SOX5: variants seen among roughly 807,000 people sequenced by gnomAD.
SOX5 encodes the protein SRY-box transcription factor 5, also known as transcription factor SOX-5.
In SOX5, 9 loss-of-function variants were observed where a neutral mutation model predicts 92.0. The ratio of observed to expected loss-of-function variants is 0.10; its 90% CI spans 0.06 to 0.17. The LOEUF is 0.17. Ranked by LOEUF, SOX5 falls within the 10% of genes least tolerant of loss-of-function variation. The probability of loss-of-function intolerance (pLI) is 1.00; values close to 1 mark genes in which losing one functional copy is unlikely to be tolerated. For missense variants in SOX5, 642 were observed against 944.5 expected (o/e 0.68, Z 4.20); for synonymous variants, 344 against 336.3 (o/e 1.02, Z -0.25).
intron 2 of SOX5, among the ~76,000 whole-genome samples, chr12:24,346,961 G>A (rs1037437996): frequency 6.6e-6 from 1 of 152,134 alleles, no homozygotes; most frequent in South Asian, 2.1e-4. Context: ...ACACTAACAC[G>A]GCACATGTAT....
intron 7 of SOX5, among the ~76,000 whole-genome samples, chr12:23,645,159 G>A (rs2080663739): frequency 1.3e-5 from 2 of 152,146 alleles, no homozygotes; most frequent in Admixed American, 1.3e-4. Context: ...AGGTAGTATA[G>A]GAGGTAAGGG....
chr12:23,870,179 A>G (rs1171777575), intron 2 of SOX5, among the ~76,000 whole-genome samples: 1 of 152,124 alleles, frequency 6.6e-6, no homozygotes, highest in Non-Finnish European at 1.5e-5. Flanking sequence ...AGCTAAATAT[A>G]GGTGATCAGA....
chr12:24,390,038 C>T (rs184022131), intron 1 of SOX5, among the ~76,000 whole-genome samples: 2 of 152,200 alleles, frequency 1.3e-5, no homozygotes. Context: ...TGTTTCTTGC[C>T]TGACTCTGAT....
chr12:24,512,365 A>T (rs1427395076), intron 1 of SOX5, among the ~76,000 whole-genome samples: 1 of 152,274 alleles, frequency 6.6e-6, no homozygotes, highest in Admixed American at 6.5e-5. Flanking sequence ...GAAATTAAGC[A>T]CAGAATCCTA....
At chr12:23,733,901 A>G (rs1169777930) in intron 6 of SOX5, among the ~76,000 whole-genome samples, 1 of 152,168 alleles carries the variant, frequency 6.6e-6, no homozygotes, top group African/African-American at 2.4e-5. Context: ...CTTGATAGTC[A>G]TAGCAAGTGA....
At chr12:23,714,614 G>A (rs1301858545) in intron 6 of SOX5, among the ~76,000 whole-genome samples, 1 of 151,808 alleles carries the variant, frequency 6.6e-6, no homozygotes, top group Non-Finnish European at 1.5e-5. Context: ...GAGTGAAAGT[G>A]TGTCTCAAAA....
chr12:24,361,426 T>G (rs947174279), intron 2 of SOX5, among the ~76,000 whole-genome samples: 1 of 152,148 alleles, frequency 6.6e-6, no homozygotes, highest in African/African-American at 2.4e-5. Flanking sequence ...TTTCCTCAGC[T>G]GAAAAAGTGG....
intron 2 of SOX5, among the ~76,000 whole-genome samples, chr12:24,357,051 A>G (rs1470293750): frequency 2.0e-5 from 3 of 152,206 alleles, no homozygotes; most frequent in Non-Finnish European, 2.9e-5. Flanking sequence ...GCACATGGCA[A>G]ATAAAGTCAG....
intron 4 of SOX5, among the ~76,000 whole-genome samples, chr12:23,977,309 A>G (rs1281586207): frequency 6.6e-6 from 1 of 152,076 alleles, no homozygotes; most frequent in African/African-American, 2.4e-5. Flanking sequence ...TCACCCTTCC[A>G]CCTCCCAGCC....
intron 1 of SOX5, among the ~76,000 whole-genome samples, chr12:24,439,415 G>A (rs1940071030): frequency 6.6e-6 from 1 of 152,136 alleles, no homozygotes; most frequent in Non-Finnish European, 1.5e-5. Flanking sequence ...TCCTGCCCTA[G>A]ATTTCCTCCA....
rs16915563 is a variant in SOX5, at chr12:23,724,568, C to T, written c.810+10116G>A. The stretch of plus-strand genomic sequence containing the variant: ...CAAATCCTAAGATTACTAATTTAAC[C>T]TTATTTGCTACTGTAACTACTAATC... On this transcript the variant is annotated intron_variant, in intron 6 of 14. Coordinates refer to ENST00000451604, the MANE Select transcript of SOX5 (RefSeq NM_006940.6). 3.4e-3 allele frequency among the ~76,000 whole-genome samples: 521 copies of T among 152,082 alleles called. 3 individuals carry two copies. Among genetic ancestry groups the T allele is most frequent in the African/African-American group, 0.012 (494 of 41,482 alleles).
chr12:23,602,673 CAG>C (rs772414080), intron 9 of SOX5, among the ~76,000 whole-genome samples: 32 of 152,100 alleles, frequency 2.1e-4, no homozygotes, highest in Non-Finnish European at 3.8e-4. Flanking sequence ...AGGGAAAAAA[CAG>C]AGAATAATAC....
intron 1 of SOX5, among the ~76,000 whole-genome samples, chr12:23,903,514 G>A (rs1487631470): frequency 1.3e-5 from 2 of 152,150 alleles, no homozygotes; most frequent in African/African-American, 2.4e-5. Flanking sequence ...GCCCAGGAGA[G>A]CAAGGCTGCA....
chr12:23,563,153 G>A, intron 11 of SOX5, 105 bp downstream of exon 11: 2 of 944,102 alleles, frequency 2.1e-6, no homozygotes, highest in Non-Finnish European at 3.2e-6. Context: ...AAGGGACAGA[G>A]AATCATTTTG....
chr12:23,804,974 T>TTA (rs2095742962), intron 3 of SOX5, among the ~76,000 whole-genome samples: 103 of 106,268 alleles, frequency 9.7e-4, no homozygotes, highest in Non-Finnish European at 1.2e-3. Context: ...TATATTCCTT[T>TTA]AAAAAATCTT....
intron 3 of SOX5, among the ~76,000 whole-genome samples, chr12:23,796,791 T>A (rs546513822): frequency 6.6e-6 from 1 of 150,900 alleles, no homozygotes; most frequent in African/African-American, 2.4e-5. Context: ...CTCATTCTTA[T>A]ATAGTGGTGC....
At chr12:23,802,523 T>G (rs1039697060) in intron 3 of SOX5, among the ~76,000 whole-genome samples, 8 of 152,088 alleles carry the variant, frequency 5.3e-5, no homozygotes, top group Non-Finnish European at 1.0e-4. Flanking sequence ...TTTGGAGTCT[T>G]ATATCCCAAA....
intron 1 of SOX5, among the ~76,000 whole-genome samples, chr12:24,431,328 A>G (rs1938272927): frequency 6.6e-6 from 1 of 152,208 alleles, no homozygotes; most frequent in South Asian, 2.1e-4. Flanking sequence ...TATTACAACT[A>G]TCTAGTAAAT....
At chr12:23,981,122 C>G (rs1434582252) in intron 4 of SOX5, among the ~76,000 whole-genome samples, 1 of 152,088 alleles carries the variant, frequency 6.6e-6, no homozygotes, top group Non-Finnish European at 1.5e-5. Context: ...TAGGGACTTT[C>G]AATCAGTAGC....
Sources: allele counts gnomAD v4.1 joint callset (sites outside exome capture counted in the v4.1 genomes callset), GRCh38; gene constraint gnomAD v4.1.1; transcripts MANE v1.5; gene names NCBI Gene and HGNC (gene_info 2026-07-23, HGNC 2026-07-21).